ATP8A2: variants seen among roughly 807,000 people sequenced by gnomAD.
The protein encoded by ATP8A2 is phospholipid-transporting ATPase IB.
In ATP8A2, 100 loss-of-function variants were observed where a neutral mutation model predicts 165.6. The observed-to-expected ratio is 0.60, with a 90% CI of 0.51 to 0.71. The LOEUF (loss-of-function observed/expected upper bound fraction) is 0.71. ATP8A2 is among the 30% of genes least tolerant of loss of function. The pLI, the probability that ATP8A2 is intolerant of heterozygous loss-of-function variation, is 0.00. For synonymous variants in ATP8A2, 543 were observed against 548.8 expected, an observed-to-expected ratio of 0.99 and a Z score of 0.15; for missense variants, 1,227 against 1,479.5, an observed-to-expected ratio of 0.83 and a Z score of 2.80.
chr13:25,752,999 T>G (rs2044185457), intron 25 of ATP8A2, among the ~76,000 whole-genome samples: 1 of 152,212 alleles, frequency 6.6e-6, no homozygotes, highest in Non-Finnish European at 1.5e-5. Flanking sequence ...CCTCTTGCAC[T>G]GTGGAGTACT....
intron 10 of ATP8A2, among the ~76,000 whole-genome samples, chr13:25,548,013 C>T (rs1300294275): frequency 6.6e-5 from 10 of 152,124 alleles, no homozygotes; most frequent in African/African-American, 2.4e-4. Flanking sequence ...TGCCTGACCT[C>T]AGGAGTTCAA....
At chr13:25,645,440 T>G (rs2041647148) in intron 24 of ATP8A2, among the ~76,000 whole-genome samples, 1 of 152,222 alleles carries the variant, frequency 6.6e-6, no homozygotes, top group African/African-American at 2.4e-5. Flanking sequence ...AATTATTTCT[T>G]TCCTTTCACT....
At chr13:25,963,850 A>G (rs1955717066) in intron 34 of ATP8A2, among the ~76,000 whole-genome samples, 1 of 152,210 alleles carries the variant, frequency 6.6e-6, no homozygotes. Context: ...CTCAAACAGG[A>G]CTTGTTTTTG....
chr13:25,693,726 G>A (rs1015806669), intron 24 of ATP8A2, among the ~76,000 whole-genome samples: 4 of 151,986 alleles, frequency 2.6e-5, no homozygotes, highest in Non-Finnish European at 5.9e-5. Flanking sequence ...TATTTTGTCT[G>A]TCACCCAGGT....
chr13:25,743,065 G>A (rs1339074800), intron 25 of ATP8A2, among the ~76,000 whole-genome samples: 2 of 151,768 alleles, frequency 1.3e-5, no homozygotes, highest in South Asian at 2.1e-4. Context: ...TTAAAACTAG[G>A]GTCATTTCAG....
intron 35 of ATP8A2, among the ~76,000 whole-genome samples, chr13:25,992,526 T>C (rs1956415540): frequency 6.6e-6 from 1 of 152,164 alleles, no homozygotes; most frequent in Non-Finnish European, 1.5e-5. Context: ...AGCCTCCTAA[T>C]AGGGCCTTTC....
intron 35 of ATP8A2, among the ~76,000 whole-genome samples, chr13:25,980,951 A>G (rs1856269738): frequency 6.6e-6 from 1 of 152,244 alleles, no homozygotes; most frequent in African/African-American, 2.4e-5. Context: ...ATTTATTAGT[A>G]TGAATTTATG....
chr13:25,418,812 G>A (rs981241774), intron 1 of ATP8A2, among the ~76,000 whole-genome samples: 5 of 152,074 alleles, frequency 3.3e-5, no homozygotes, highest in Admixed American at 6.6e-5. Flanking sequence ...ATTTTCTATT[G>A]AAGCACCAAT....
intron 13 of ATP8A2, among the ~76,000 whole-genome samples, chr13:25,555,470 A>G (rs535438302): frequency 4.6e-5 from 7 of 152,160 alleles, no homozygotes; most frequent in African/African-American, 1.7e-4. Context: ...CATGTTCCGA[A>G]TTTTGTCTCT....
chr13:25,462,468 C>T (rs575287626), intron 1 of ATP8A2, among the ~76,000 whole-genome samples: 36 of 128,792 alleles, frequency 2.8e-4, no homozygotes, highest in Non-Finnish European at 4.1e-4. Context: ...GGTTGAGATC[C>T]GGGAGGGTCC....
chr13:25,699,399 GC>G, intron 25 of ATP8A2, 54 bp downstream of exon 25: 2 of 1,368,856 alleles, frequency 1.5e-6, no homozygotes, highest in South Asian at 1.8e-5. Context: ...TGTATCCCGT[GC>G]TTATACAAAA....
rs371998464 is a variant in ATP8A2, at chr13:25,559,075, T to C, written c.1352+14T>C. The C allele has an allele frequency of 1.1e-4, 177 of 1,547,610 alleles. 1 individual carries two copies. In the African/African-American group the frequency reaches 2.3e-3, roughly 20 times the overall value. On this transcript the variant is annotated intron_variant, in intron 14 of 36. Transcript: ENST00000381655. ...AGTAACCTATGGGTCAGTGTGTTTA[T>C]CATTTACTGAAAATTTACTTGTATT...
intron 1 of ATP8A2, among the ~76,000 whole-genome samples, chr13:25,380,445 C>A (rs1421340654): frequency 6.6e-6 from 1 of 152,052 alleles, no homozygotes; most frequent in Non-Finnish European, 1.5e-5. Context: ...TTGAGCTGGG[C>A]TGTAACGGCA....
At chr13:25,813,382 TATATGATATGATATG>T (rs57194469) in intron 27 of ATP8A2, among the ~76,000 whole-genome samples, 3,846 of 147,204 alleles carry the variant, frequency 0.026, 171 homozygotes, top group African/African-American at 0.09. Flanking sequence ...AGGATGATGA[TATATGATATGATATG>T]ATATGATATG....
chr13:25,946,612 G>A (rs1955219888), intron 33 of ATP8A2, among the ~76,000 whole-genome samples: 1 of 152,162 alleles, frequency 6.6e-6, no homozygotes, highest in South Asian at 2.1e-4. Context: ...CTAACAGAGG[G>A]GAGCGAGGGC....
At chr13:25,614,587 T>G (rs1206453667) in intron 24 of ATP8A2, among the ~76,000 whole-genome samples, 1 of 152,182 alleles carries the variant, frequency 6.6e-6, no homozygotes, top group East Asian at 1.9e-4. Flanking sequence ...CGTTTTGTCA[T>G]ATTACCTGAA....
chr13:25,982,210 C>T (rs1956183582), intron 35 of ATP8A2, among the ~76,000 whole-genome samples: 1 of 152,210 alleles, frequency 6.6e-6, no homozygotes, highest in South Asian at 2.1e-4. Context: ...AGGACAGGAA[C>T]TGGCTGAATA....
chr13:25,864,527 G>A (rs2138776383), intron 33 of ATP8A2, among the ~76,000 whole-genome samples: 1 of 152,324 alleles, frequency 6.6e-6, no homozygotes, highest in Middle Eastern at 3.4e-3. Context: ...CAGATTAATG[G>A]TGACATTCAC....
chr13:25,386,242 A>G (rs11842077), intron 1 of ATP8A2, among the ~76,000 whole-genome samples: 9,082 of 152,172 alleles, frequency 0.06, 759 homozygotes, highest in African/African-American at 0.19. Flanking sequence ...GAGCATTATA[A>G]AAGTCTGCTC....
Sources: allele counts gnomAD v4.1 joint callset (sites outside exome capture counted in the v4.1 genomes callset), GRCh38; gene constraint gnomAD v4.1.1; transcripts MANE v1.5; gene names NCBI Gene and HGNC (gene_info 2026-07-23, HGNC 2026-07-21).